Variants in NAV3 observed in about 807,000 individuals in gnomAD.
The protein encoded by NAV3 is pore membrane and/or filament interacting like protein 1.
Under a neutral mutation model 244.7 loss-of-function variants are expected in NAV3, and 87 were observed. The ratio of observed to expected loss-of-function variants is 0.36; its 90% confidence interval spans 0.30 to 0.42. NAV3 has a LOEUF of 0.42. Among genes scored for constraint, NAV3 ranks in the 20% least tolerant of loss-of-function variants. The pLI is 1.00. For missense variants in NAV3, 2,663 were observed against 2,893.3 expected (o/e 0.92, Z 1.83); for synonymous variants, 1,126 against 1,042.2 (o/e 1.08, Z -1.55).
At chr12:77,687,156 C>T (rs2137140924) in intron 2 of NAV3, among the ~76,000 whole-genome samples, 1 of 152,218 alleles carries the variant, frequency 6.6e-6, no homozygotes, top group East Asian at 1.9e-4. Context: ...TAGTTTACTA[C>T]TTCTTTTATA....
intron 2 of NAV3, among the ~76,000 whole-genome samples, chr12:77,665,798 T>A (rs1057313210): frequency 6.6e-6 from 1 of 152,236 alleles, no homozygotes; most frequent in African/African-American, 2.4e-5. Flanking sequence ...CCTGTCAGTC[T>A]CTCTGAATTT....
At chr12:77,595,486 AAT>A (rs1870125895) in intron 2 of NAV3, among the ~76,000 whole-genome samples, 1 of 152,146 alleles carries the variant, frequency 6.6e-6, no homozygotes, top group South Asian at 2.1e-4. Context: ...GACTATAAAT[AAT>A]CGTATTGTAT....
intron 1 of NAV3, among the ~76,000 whole-genome samples, chr12:77,862,145 T>C (rs1320788247): frequency 6.6e-6 from 1 of 151,770 alleles, no homozygotes; most frequent in African/African-American, 2.4e-5. Flanking sequence ...CACATTAAAA[T>C]GAATTTTTTT....
At chr12:77,666,894 T>A (rs1425656389) in intron 2 of NAV3, among the ~76,000 whole-genome samples, 1 of 152,212 alleles carries the variant, frequency 6.6e-6, no homozygotes, top group Non-Finnish European at 1.5e-5. Flanking sequence ...TTTAATTTCA[T>A]AACTAAGTCA....
chr12:77,727,527 G>A (rs967704295), intron 2 of NAV3, among the ~76,000 whole-genome samples: 4 of 151,826 alleles, frequency 2.6e-5, no homozygotes, highest in South Asian at 2.1e-4. Flanking sequence ...GAAATGAAAC[G>A]TAAGTGAAAA....
intron 1 of NAV3, among the ~76,000 whole-genome samples, chr12:77,872,001 C>G (rs1836517346): frequency 6.6e-6 from 1 of 152,146 alleles, no homozygotes; most frequent in Admixed American, 6.5e-5. Context: ...GAGATGGTAT[C>G]TAATTGTGGT....
Position 78,199,412 on chromosome 12 carries a change from T to G in NAV3, c.6596T>G (p.Ile2199Arg). 3 of 1,611,570 alleles carry G rather than the reference T, an allele frequency of 1.9e-6. No homozygotes were observed. The highest frequency in any genetic ancestry group is 2.5e-6 in the Non-Finnish European group (3 of 1,178,722). ...TATCTTCGAAGAAAACTCATAGAGATAGAAATTGAAAGGAACATTCGCAAT... is the reference window on the plus strand; with the variant it reads ...TATCTTCGAAGAAAACTCATAGAGAGAGAAATTGAAAGGAACATTCGCAAT... The part of the protein sequence containing the change: ...GRYLRRKLIE[I>R]EIERNIRNND... Residue 2199 changes from isoleucine to arginine, a missense_variant, in exon 37 of 40, where the codon ATA becomes AGA. By Grantham distance (97) the Ile-to-Arg change is moderately conservative. Around this residue, in one of 6 missense-constraint regions of NAV3, gnomAD observed 543 missense variants for 672.4 expected, o/e 0.81. Coordinates refer to ENST00000397909, the MANE Select transcript of NAV3 (RefSeq NM_001024383.2).
intron 2 of NAV3, among the ~76,000 whole-genome samples, chr12:77,687,428 AT>A (rs958749758): frequency 6.6e-6 from 1 of 152,018 alleles, no homozygotes; most frequent in African/African-American, 2.4e-5. Context: ...TATACACTTG[AT>A]TTTTCCTCCT....
intron 20 of NAV3, among the ~76,000 whole-genome samples, chr12:78,141,239 T>G (rs1956598328): frequency 6.6e-6 from 1 of 151,284 alleles, no homozygotes. Context: ...CAAGTTCTTT[T>G]GCAAACGTGT....
chr12:77,931,932 G>C (rs781249558), intron 1 of NAV3, among the ~76,000 whole-genome samples: 1 of 146,144 alleles, frequency 6.8e-6, no homozygotes, highest in Non-Finnish European at 1.5e-5. Context: ...GTGTGTGTGT[G>C]ATGCACATAG....
rs567032172 is a variant in NAV3 at position 77,950,332 on chromosome 12, C to G, written c.414+9199C>G. ...ACTAGCATTTGGTGTTGTCAATGTT[C>G]TGGATTTTGGCCGTCCTAATAGATT... On this transcript the variant is annotated intron_variant, in intron 3 of 39. Transcript: ENST00000397909. Among the ~76,000 whole-genome samples the G allele has an allele frequency of 5.9e-5, 9 of 152,186 alleles. No individual in the cohort carries two copies. In the South Asian group the frequency reaches 1.9e-3, roughly 32 times the overall value.
At chr12:77,725,798 T>G (rs1876850716) in intron 2 of NAV3, among the ~76,000 whole-genome samples, 1 of 152,000 alleles carries the variant, frequency 6.6e-6, no homozygotes, top group Non-Finnish European at 1.5e-5. Context: ...GGGTTAAATT[T>G]AGGTCTCTAC....
At chr12:78,174,974 A>C (rs1432950904) in intron 24 of NAV3, among the ~76,000 whole-genome samples, 1 of 152,020 alleles carries the variant, frequency 6.6e-6, no homozygotes, top group Non-Finnish European at 1.5e-5. Flanking sequence ...ATCATTCAGA[A>C]TAAATCATTT....
intron 1 of NAV3, among the ~76,000 whole-genome samples, chr12:77,870,465 G>A (rs546333919): frequency 2.6e-5 from 4 of 152,006 alleles, no homozygotes; most frequent in East Asian, 1.9e-4. Context: ...AGAGATTGAC[G>A]TATCCAGAAT....
At chr12:77,595,423 A>G (rs1314681098) in intron 2 of NAV3, among the ~76,000 whole-genome samples, 1 of 152,136 alleles carries the variant, frequency 6.6e-6, no homozygotes, top group Non-Finnish European at 1.5e-5. Context: ...AAGAGGGTAG[A>G]GAGTTGAAGT....
chr12:77,625,402 T>G (rs775572922), intron 2 of NAV3, among the ~76,000 whole-genome samples: 4 of 152,198 alleles, frequency 2.6e-5, no homozygotes, highest in Non-Finnish European at 5.9e-5. Context: ...GAAGAAAGAA[T>G]TATAGTGGAA....
At chr12:78,104,075 T>C (rs534241965) in intron 12 of NAV3, among the ~76,000 whole-genome samples, 13 of 152,356 alleles carry the variant, frequency 8.5e-5, no homozygotes, top group African/African-American at 2.9e-4. Context: ...AGAATACATC[T>C]AGAAGATTCA....
chr12:77,658,581 C>G (rs1479626956), intron 2 of NAV3, among the ~76,000 whole-genome samples: 1 of 151,992 alleles, frequency 6.6e-6, no homozygotes, highest in Non-Finnish European at 1.5e-5. Context: ...CTACCAATGA[C>G]TTTCTTCACA....
intron 2 of NAV3, among the ~76,000 whole-genome samples, chr12:77,823,878 A>C (rs1043213199): frequency 1.4e-4 from 21 of 152,236 alleles, no homozygotes; most frequent in African/African-American, 4.6e-4. Flanking sequence ...ATGTTCAAGA[A>C]GGTAGAAAAA....
Sources: gnomAD v4.1 joint callset for allele counts (sites outside exome capture counted in the v4.1 genomes callset) on GRCh38, gnomAD v4.1.1 for gene constraint, gnomAD v4.1.1 regional missense constraint, MANE v1.5 for transcripts, NCBI Gene and HGNC (gene_info 2026-07-23, HGNC 2026-07-21) for gene names.